CROT: variants seen among roughly 807,000 people sequenced by gnomAD.
CROT encodes the protein carnitine O-octanoyltransferase, also known as peroxisomal carnitine O-octanoyltransferase.
In CROT, 84 loss-of-function variants were observed where a neutral mutation model predicts 89.2. The observed-to-expected ratio is 0.94, with a 90% CI of 0.79 to 1.13. The LOEUF (loss-of-function observed/expected upper bound fraction) is 1.13. CROT is among the 50% of genes most tolerant of loss of function. The pLI, the probability that CROT is intolerant of heterozygous loss-of-function variation, is 0.00. For synonymous variants in CROT, 212 were observed against 239.5 expected, an observed-to-expected ratio of 0.89 and a Z score of 1.06; for missense variants, 711 against 727.8, an observed-to-expected ratio of 0.98 and a Z score of 0.27.
rs561539812 is a variant in CROT, at chr7:87,364,008, C to T, written c.547+2156C>T. 4.0e-4 allele frequency among the ~76,000 whole-genome samples: 61 copies of T among 152,122 alleles called. 2 individuals carry two copies. The highest frequency in any genetic ancestry group is 1.9e-3 in the South Asian group (9 of 4,806). On this transcript the variant is annotated intron_variant, in intron 6 of 17. Transcript: ENST00000331536. ...GAGCAGCTAACAGGGTAGGTGGGTA[C>T]GTAGGTAGATTCATGAGGTGGGAAA...
In CROT at chr7:87,350,992, T is replaced by C. The variant is rs10235461; in HGVS notation, c.115+1809T>C. Among the ~76,000 whole-genome samples the C allele has an allele frequency of 6.8e-4, 103 of 151,774 alleles. 1 individual carries two copies. In the East Asian group the frequency reaches 0.018, roughly 26 times the overall value. Reference sequence around the variant, plus strand: ...AGTAGAGGAAGGGAAGGATAGTGGCTGGTGTCTTTTTGATATATTAGAAAA... The same window carrying C: ...AGTAGAGGAAGGGAAGGATAGTGGCCGGTGTCTTTTTGATATATTAGAAAA... On this transcript the variant is annotated intron_variant, in intron 3 of 17. Coordinates refer to ENST00000331536, the MANE Select transcript of CROT (RefSeq NM_021151.4).
intron 17 of CROT, among the ~76,000 whole-genome samples, chr7:87,394,771 C>T (rs78201097): frequency 6.6e-6 from 1 of 151,902 alleles, no homozygotes; most frequent in Non-Finnish European, 1.5e-5. Flanking sequence ...TATTATATGA[C>T]AACTTTACAG....
At chr7:87,357,056 C>G (rs1337945874) in intron 3 of CROT, among the ~76,000 whole-genome samples, 1 of 152,088 alleles carries the variant, frequency 6.6e-6, no homozygotes, top group African/African-American at 2.4e-5. Context: ...CTTGTAAGTC[C>G]TCAGGTTCCC....
intron 10 of CROT, among the ~76,000 whole-genome samples, chr7:87,380,116 T>C (rs1806942487): frequency 1.3e-5 from 2 of 152,010 alleles, no homozygotes; most frequent in Admixed American, 1.3e-4. Flanking sequence ...GTCCCAAAAA[T>C]AATAATAAGA....
At chr7:87,377,526 C>T in intron 10 of CROT, 76 bp downstream of exon 10, 3 of 862,006 alleles carry the variant, frequency 3.5e-6, no homozygotes, top group South Asian at 1.5e-5. Context: ...AATACTTGTG[C>T]TGGGGAACAG....
At chr7:87,380,525 A>G (rs1484808293) in intron 10 of CROT, among the ~76,000 whole-genome samples, 1 of 152,218 alleles carries the variant, frequency 6.6e-6, no homozygotes, top group Non-Finnish European at 1.5e-5. Flanking sequence ...CCCAGCTAGG[A>G]AGTAGTTTGA....
intron 10 of CROT, among the ~76,000 whole-genome samples, chr7:87,378,948 C>T (rs529850116): frequency 6.6e-6 from 1 of 152,280 alleles, no homozygotes; most frequent in East Asian, 1.9e-4. Context: ...AAAGTTGCCA[C>T]AAGTCATTTA....
At chr7:87,385,608 A>T (rs909448352) in intron 13 of CROT, among the ~76,000 whole-genome samples, 1 of 152,146 alleles carries the variant, frequency 6.6e-6, no homozygotes, top group African/African-American at 2.4e-5. Flanking sequence ...TAAGTATTAG[A>T]TCATGTCATC....
intron 3 of CROT, among the ~76,000 whole-genome samples, chr7:87,358,034 G>T (rs1421919026): frequency 1.3e-5 from 2 of 152,058 alleles, no homozygotes; most frequent in African/African-American, 4.8e-5. Context: ...AAATTAAAAC[G>T]GCATTACTCT....
chr7:87,375,647 C>T lies in CROT; in HGVS notation c.672C>T (p.Ile224=). ...PPELLRQLTY[I]HKKCHSEPDG... is the part of the protein sequence containing the mutation. Reference sequence around the variant, plus strand: ...CTTCCATAAGACAACTGACATATATCCACAAGAAGTGCCATAGTGAACCTG... The same window carrying T: ...CTTCCATAAGACAACTGACATATATTCACAAGAAGTGCCATAGTGAACCTG... The change falls in exon 8 of 18, where the codon ATC becomes ATT. Residue 224 remains isoleucine, a synonymous_variant. Coordinates refer to ENST00000331536, the MANE Select transcript of CROT (RefSeq NM_021151.4). 1.2e-6 allele frequency: 2 copies of T among 1,612,732 alleles called. No individual in the cohort carries two copies. Among genetic ancestry groups the T allele is most frequent in the Non-Finnish European group, 1.7e-6 (2 of 1,178,928 alleles).
intron 13 of CROT, among the ~76,000 whole-genome samples, chr7:87,387,526 G>A (rs192852718): frequency 1.2e-3 from 188 of 151,724 alleles, no homozygotes; most frequent in African/African-American, 4.3e-3. Flanking sequence ...AGCCCCCAGT[G>A]CATTAGAAAA....
intron 3 of CROT, chr7:87,354,304 G>C (rs1203349288): frequency 2.0e-6 from 1 of 501,274 alleles, no homozygotes; most frequent in African/African-American, 2.0e-5. Context: ...TACCAAAAAG[G>C]CAAAGAAAAA....
chr7:87,356,285 T>C (rs1010114891), intron 3 of CROT, among the ~76,000 whole-genome samples: 8 of 152,206 alleles, frequency 5.3e-5, no homozygotes, highest in Non-Finnish European at 1.2e-4. Flanking sequence ...AGGAAAGCCA[T>C]AGACCAAAAT....
At chr7:87,386,643 G>T (rs942534078) in intron 13 of CROT, among the ~76,000 whole-genome samples, 2 of 152,106 alleles carry the variant, frequency 1.3e-5, no homozygotes, top group African/African-American at 2.4e-5. Flanking sequence ...GCTTACTGTT[G>T]TGGACTTGGA....
chr7:87,351,135 C>T (rs1019120764), intron 3 of CROT, among the ~76,000 whole-genome samples: 50 of 151,446 alleles, frequency 3.3e-4, no homozygotes, highest in African/African-American at 1.2e-3. Flanking sequence ...GGTGAAACCC[C>T]GTCTCTACTA....
intron 13 of CROT, among the ~76,000 whole-genome samples, chr7:87,382,881 T>C (rs1016735583): frequency 3.9e-5 from 6 of 152,236 alleles, no homozygotes; most frequent in African/African-American, 1.4e-4. Context: ...TTATAAATTA[T>C]CCAGCCTTTA....
intron 7 of CROT, among the ~76,000 whole-genome samples, chr7:87,373,036 T>G (rs1806690966): frequency 6.6e-6 from 1 of 152,164 alleles, no homozygotes; most frequent in Non-Finnish European, 1.5e-5. Context: ...TATGTTTAAC[T>G]ATTGAGAAAC....
chr7:87,348,318 T>G (rs1233839457), intron 2 of CROT, among the ~76,000 whole-genome samples: 2 of 152,208 alleles, frequency 1.3e-5, no homozygotes, highest in Non-Finnish European at 2.9e-5. Flanking sequence ...TGATAGCAAT[T>G]AATACACGTG....
chr7:87,373,018 G>C (rs922821609), intron 7 of CROT, among the ~76,000 whole-genome samples: 4 of 152,000 alleles, frequency 2.6e-5, no homozygotes, highest in African/African-American at 9.7e-5. Flanking sequence ...CAGGTCATAT[G>C]GTAATTCTAT....
Sources: gnomAD v4.1 joint callset for allele counts (sites outside exome capture counted in the v4.1 genomes callset) on GRCh38, gnomAD v4.1.1 for gene constraint, MANE v1.5 for transcripts, NCBI Gene and HGNC (gene_info 2026-07-23, HGNC 2026-07-21) for gene names.